Variants in FANCB observed in about 807,000 individuals in gnomAD.
FANCB encodes the protein FA complementation group B, also known as Fanconi anemia group B protein.
FANCB carries 5 observed loss-of-function variants against 38.9 expected under a neutral mutation model. That is an observed-to-expected ratio of 0.13 (90% confidence interval 0.07 to 0.27). The LOEUF (loss-of-function observed/expected upper bound fraction) is 0.27. Among genes scored for constraint, FANCB ranks in the 10% least tolerant of loss-of-function variants. The pLI is 1.00. For synonymous variants in FANCB, 236 were observed against 215.4 expected, an observed-to-expected ratio of 1.10 and a Z score of -0.84; for missense variants, 573 against 602.7, an observed-to-expected ratio of 0.95 and a Z score of 0.52.
At chrX:14,710,832 C>T in the FANCB span, among the ~76,000 whole-genome samples, 1 of 111,869 alleles carries the variant, frequency 8.9e-6, no homozygotes, top group Non-Finnish European at 1.9e-5. Context: ...TTTTTACACA[C>T]AGAGACTCCA....
the FANCB span, among the ~76,000 whole-genome samples, chrX:14,697,426 G>A: frequency 8.9e-6 from 1 of 112,229 alleles, no homozygotes; most frequent in African/African-American, 3.2e-5. Context: ...GGGTATGCAT[G>A]TGCAGTGAAC....
chrX:14,727,817 T>A, the FANCB span, among the ~76,000 whole-genome samples: 1 of 112,030 alleles, frequency 8.9e-6, no homozygotes. Context: ...GCTGACTTCC[T>A]TATATGATAA....
chrX:14,850,759 T>C (rs1278821885), intron 6 of FANCB, 85 bp from the exon 7 acceptor site: 1 of 559,053 alleles, frequency 1.8e-6, no homozygotes, highest in Admixed American at 3.5e-5. Flanking sequence ...AAGTGTGCTT[T>C]TGGCTAGGGC....
At chrX:14,872,756 C>G (rs930340978) in intron 1 of FANCB, among the ~76,000 whole-genome samples, 2 of 109,302 alleles carry the variant, frequency 1.8e-5, no homozygotes, top group Non-Finnish European at 3.8e-5. Flanking sequence ...ATATTTTGCT[C>G]ATTAAGCATC....
chrX:14,782,229 G>T, the FANCB span, among the ~76,000 whole-genome samples: 2 of 111,519 alleles, frequency 1.8e-5, no homozygotes, highest in African/African-American at 6.5e-5. Context: ...TGGACAGGGG[G>T]ACATTCAAAG....
chrX:14,749,584 A>T, the FANCB span, among the ~76,000 whole-genome samples: 4 of 112,124 alleles, frequency 3.6e-5, no homozygotes, highest in African/African-American at 6.5e-5. Flanking sequence ...ATAAATTATT[A>T]AAAAAGTAAT....
chrX:14,690,727 G>A, the FANCB span: 5 of 1,195,087 alleles, frequency 4.2e-6, no homozygotes, highest in East Asian at 3.0e-5. Flanking sequence ...ATGTAAAAGC[G>A]ATTGACATCT....
At chrX:14,802,015 T>A in the FANCB span, among the ~76,000 whole-genome samples, 2 of 111,903 alleles carry the variant, frequency 1.8e-5, no homozygotes, top group African/African-American at 6.5e-5. Flanking sequence ...CCCTTTGCTG[T>A]AGCAAGTTTA....
chrX:14,826,402 T>C, the FANCB span, among the ~76,000 whole-genome samples: 2 of 112,322 alleles, frequency 1.8e-5, no homozygotes, highest in African/African-American at 6.5e-5. Flanking sequence ...TAATTTTAGC[T>C]CATCTAGACC....
chrX:14,845,081 G>A lies in FANCB; in HGVS notation c.1702C>T (p.His568Tyr), dbSNP rs763091316. 63 of 1,208,308 alleles carry A rather than the reference G, an allele frequency of 5.2e-5. No individual in the cohort carries two copies. The highest frequency in any genetic ancestry group is 6.9e-5 in the Non-Finnish European group (62 of 893,369). ...TGTACACACTCTTTCTTAGATGGGT[G>A]TTCACAAACAAAGCTTTCCTCTTTC... is the stretch of plus-strand genomic sequence containing the variant. ...SKKEESFVCE[H>Y]PSKKECVQII... is the part of the protein sequence containing the mutation. The change falls in exon 8 of 10, where the codon CAC becomes TAC. Residue 568 changes from histidine (H) to tyrosine (Y), a missense_variant. Coordinates refer to ENST00000650831, the MANE Select transcript of FANCB (RefSeq NM_001018113.3).
At chrX:14,712,135 AGATATCACATTATATTATAGTCATTT>A in the FANCB span, among the ~76,000 whole-genome samples, 5 of 113,000 alleles carry the variant, frequency 4.4e-5, no homozygotes, top group Non-Finnish European at 9.4e-5. Context: ...TTGCCAGAGC[AGATATCACATTATATTATAGTCATTT>A]GTCTGTATCA....
the FANCB span, among the ~76,000 whole-genome samples, chrX:14,789,263 T>A: frequency 9.0e-6 from 1 of 111,295 alleles, no homozygotes; most frequent in Non-Finnish European, 1.9e-5. Context: ...AGAGATTTTA[T>A]TTGCCTGCCA....
the FANCB span, among the ~76,000 whole-genome samples, chrX:14,738,105 C>A: frequency 8.9e-6 from 1 of 112,124 alleles, no homozygotes; most frequent in Non-Finnish European, 1.9e-5. Flanking sequence ...TATCTGCCAG[C>A]CACTAAAGTA....
At chrX:14,740,960 G>GCA in the FANCB span, among the ~76,000 whole-genome samples, 66 of 107,902 alleles carry the variant, frequency 6.1e-4, no homozygotes, top group East Asian at 9.3e-3. Flanking sequence ...ACAAACACAT[G>GCA]CACACACACA....
intron 3 of FANCB, among the ~76,000 whole-genome samples, chrX:14,864,231 T>C (rs1055459757): frequency 1.2e-4 from 13 of 112,213 alleles, no homozygotes; most frequent in Non-Finnish European, 2.4e-4. Flanking sequence ...ATAATCTTAT[T>C]GTAAGTGAAA....
chrX:14,775,748 A>G, the FANCB span, among the ~76,000 whole-genome samples: 8 of 112,192 alleles, frequency 7.1e-5, no homozygotes, highest in African/African-American at 2.6e-4. Flanking sequence ...TAGTGATCAG[A>G]GGATTGGGGC....
At chrX:14,743,898 T>C in the FANCB span, among the ~76,000 whole-genome samples, 1 of 111,749 alleles carries the variant, frequency 8.9e-6, no homozygotes, top group African/African-American at 3.3e-5. Context: ...ATTCTCTCTG[T>C]ATGTCTGTCT....
At chrX:14,851,833 A>C (rs911387446) in intron 6 of FANCB, among the ~76,000 whole-genome samples, 14 of 112,370 alleles carry the variant, frequency 1.2e-4, no homozygotes, top group Non-Finnish European at 1.7e-4. Context: ...GAAATGCAAC[A>C]CAATGTTTTT....
the FANCB span, among the ~76,000 whole-genome samples, chrX:14,808,256 T>G: frequency 9.0e-6 from 1 of 111,150 alleles, no homozygotes; most frequent in African/African-American, 3.3e-5. Context: ...AAAAGACACA[T>G]CAAGAAAGAA....
Sources: gnomAD v4.1 joint callset for allele counts (sites outside exome capture counted in the v4.1 genomes callset) on GRCh38, gnomAD v4.1.1 for gene constraint, MANE v1.5 for transcripts, NCBI Gene and HGNC (gene_info 2026-07-23, HGNC 2026-07-21) for gene names.